SPOCK1: variants seen among roughly 807,000 people sequenced by gnomAD.
SPOCK1 encodes the protein testican-1.
Under a neutral mutation model 55.3 loss-of-function variants are expected in SPOCK1, and 23 were observed. That is an observed-to-expected ratio of 0.42 (90% CI 0.30 to 0.59). The LOEUF is 0.59. Among genes scored for constraint, SPOCK1 ranks in the 20% least tolerant of loss-of-function variants. The pLI, the probability that SPOCK1 is intolerant of heterozygous loss-of-function variation, is 0.22. For missense variants in SPOCK1, 499 were observed against 552.5 expected (o/e 0.90, Z 0.97); for synonymous variants, 226 against 221.0 (o/e 1.02, Z -0.20).
At chr5:137,013,745 T>C (rs544501593) in intron 6 of SPOCK1, among the ~76,000 whole-genome samples, 1 of 152,348 alleles carries the variant, frequency 6.6e-6, no homozygotes, top group South Asian at 2.1e-4. Flanking sequence ...AGACATGGGA[T>C]ACCTGGATCT....
At chr5:137,422,689 A>AT (rs909727765) in intron 2 of SPOCK1, among the ~76,000 whole-genome samples, 1 of 152,056 alleles carries the variant, frequency 6.6e-6, no homozygotes, top group Non-Finnish European at 1.5e-5. Flanking sequence ...CATTCGACTA[A>AT]TTTTTTTCCA....
intron 2 of SPOCK1, among the ~76,000 whole-genome samples, chr5:137,372,215 A>C (rs1292341202): frequency 6.6e-6 from 1 of 151,974 alleles, no homozygotes; most frequent in African/African-American, 2.4e-5. Context: ...AAGAATGATA[A>C]AACAGGAAGA....
At chr5:137,226,297 TATA>T (rs1755946354) in intron 3 of SPOCK1, among the ~76,000 whole-genome samples, 1 of 152,232 alleles carries the variant, frequency 6.6e-6, no homozygotes. Context: ...CTGCATTCTT[TATA>T]ATGTCATTCA....
intron 2 of SPOCK1, among the ~76,000 whole-genome samples, chr5:137,300,676 T>C (rs1159847351): frequency 2.2e-5 from 3 of 138,830 alleles, no homozygotes; most frequent in Non-Finnish European, 4.6e-5. Flanking sequence ...GCCAATAACT[T>C]GGGTAGAGTT....
At chr5:137,117,204 A>T (rs371374802) in intron 4 of SPOCK1, among the ~76,000 whole-genome samples, 2 of 152,208 alleles carry the variant, frequency 1.3e-5, no homozygotes, top group Non-Finnish European at 2.9e-5. Context: ...CCAGCCAGCC[A>T]TATCTACCAC....
chr5:137,488,607 A>G (rs1754109708), intron 2 of SPOCK1, among the ~76,000 whole-genome samples: 1 of 152,188 alleles, frequency 6.6e-6, no homozygotes, highest in African/African-American at 2.4e-5. Context: ...GAATTGAGTT[A>G]GAGCGTGACT....
At chr5:137,432,927 C>T (rs1752780378) in intron 2 of SPOCK1, among the ~76,000 whole-genome samples, 1 of 152,140 alleles carries the variant, frequency 6.6e-6, no homozygotes, top group South Asian at 2.1e-4. Flanking sequence ...GCCCCCATTG[C>T]ATATTTGTCC....
At chr5:137,073,070 A>G (rs910485527) in intron 5 of SPOCK1, among the ~76,000 whole-genome samples, 1 of 152,216 alleles carries the variant, frequency 6.6e-6, no homozygotes, top group African/African-American at 2.4e-5. Context: ...GAAGCTATGC[A>G]CAGAAACAAG....
chr5:137,091,644 C>A (rs1249215248), intron 5 of SPOCK1, among the ~76,000 whole-genome samples: 2 of 152,222 alleles, frequency 1.3e-5, no homozygotes, highest in Non-Finnish European at 2.9e-5. Context: ...AATTTCCTCA[C>A]TGTCAGTCTG....
chr5:137,361,859 T>C (rs1169365192), intron 2 of SPOCK1, among the ~76,000 whole-genome samples: 2 of 152,216 alleles, frequency 1.3e-5, no homozygotes, highest in Admixed American at 6.5e-5. Flanking sequence ...GTCAAGACTC[T>C]GGGTGAGTTC....
intron 4 of SPOCK1, among the ~76,000 whole-genome samples, chr5:137,120,863 T>C (rs1753671577): frequency 6.6e-6 from 1 of 152,170 alleles, no homozygotes; most frequent in African/African-American, 2.4e-5. Flanking sequence ...ACCAAAGTTG[T>C]CACAGTCAGA....
At chr5:136,998,082 C>T (rs779043250) in intron 6 of SPOCK1, among the ~76,000 whole-genome samples, 1 of 151,994 alleles carries the variant, frequency 6.6e-6, no homozygotes, top group African/African-American at 2.4e-5. Flanking sequence ...AAACATAGCT[C>T]ACAGCTACTG....
intron 6 of SPOCK1, among the ~76,000 whole-genome samples, chr5:137,026,445 A>G (rs1343775270): frequency 6.6e-6 from 1 of 152,192 alleles, no homozygotes; most frequent in Non-Finnish European, 1.5e-5. Flanking sequence ...CCCCTGAAAA[A>G]GAGGGGGAAT....
In SPOCK1 at chr5:137,416,086, C is replaced by T. The variant is rs993153835; in HGVS notation, c.186+82287G>A. Among the ~76,000 whole-genome samples the T allele has an allele frequency of 4.6e-5, 7 of 151,774 alleles. No individual in the cohort carries two copies. The East Asian group carries it at 7.8e-4, about 17-fold the overall frequency. On this transcript the variant is annotated intron_variant, in intron 2 of 10. Transcript: ENST00000394945. ...AGAGGAAAAATAGACATGTTACATA[C>T]AGAGGACAATAGAAAAGGAAAAGAA...
At position 137,044,439 on chromosome 5, in the gene SPOCK1, G is replaced by A. The variant is rs1561589512; in HGVS notation, c.589+23276C>T. On this transcript the variant is annotated intron_variant, in intron 6 of 10. Coordinates refer to ENST00000394945, the MANE Select transcript of SPOCK1 (RefSeq NM_004598.4). ...GAATGAAGTACTTAAACGCCCAGGT[G>A]GAAGAGTAAGAATAATCTGAGTTCA... Among the ~76,000 whole-genome samples the A allele has an allele frequency of 2.0e-5, 3 of 152,174 alleles. No homozygotes were observed. In the South Asian group the frequency reaches 6.2e-4, roughly 32 times the overall value.
chr5:136,998,912 C>G (rs1751097459), intron 6 of SPOCK1, among the ~76,000 whole-genome samples: 1 of 152,208 alleles, frequency 6.6e-6, no homozygotes, highest in East Asian at 1.9e-4. Flanking sequence ...TGGTGCTCTC[C>G]CAGTGGACTT....
At chr5:137,042,461 T>TA (rs1041309419) in intron 6 of SPOCK1, among the ~76,000 whole-genome samples, 3 of 152,144 alleles carry the variant, frequency 2.0e-5, no homozygotes, top group Non-Finnish European at 4.4e-5. Flanking sequence ...TGCAAATTTT[T>TA]AAAAAATCAT....
At chr5:137,193,354 AG>A (rs1420339546) in intron 3 of SPOCK1, among the ~76,000 whole-genome samples, 1 of 152,156 alleles carries the variant, frequency 6.6e-6, no homozygotes, top group Non-Finnish European at 1.5e-5. Flanking sequence ...TGGGACGTTA[AG>A]GGGAGGTAGA....
At chr5:137,465,536 G>A (rs967009599) in intron 2 of SPOCK1, among the ~76,000 whole-genome samples, 1 of 151,710 alleles carries the variant, frequency 6.6e-6, no homozygotes, top group Admixed American at 6.6e-5. Context: ...AACTGTCAGG[G>A]ATTTTTGCTA....
Sources: allele counts gnomAD v4.1 joint callset (sites outside exome capture counted in the v4.1 genomes callset), GRCh38; gene constraint gnomAD v4.1.1; transcripts MANE v1.5; gene names NCBI Gene and HGNC (gene_info 2026-07-23, HGNC 2026-07-21).